COLEC11: variants seen among roughly 807,000 people sequenced by gnomAD.
The protein encoded by COLEC11 is collectin subfamily member 11, also known as collectin-11.
Under a neutral mutation model 27.3 loss-of-function variants are expected in COLEC11, and 20 were observed. The observed-to-expected ratio is 0.73, with a 90% CI of 0.51 to 1.06. The LOEUF (loss-of-function observed/expected upper bound fraction) is 1.06, where lower values mean the gene tolerates loss of function less well. Among genes scored for constraint, COLEC11 ranks in the 50% least tolerant of loss-of-function variants. The pLI is 0.00. For missense variants in COLEC11, 310 were observed against 383.0 expected, an observed-to-expected ratio of 0.81 and a Z score of 1.59; for synonymous variants, 163 against 154.7, an observed-to-expected ratio of 1.05 and a Z score of -0.40.
intron 2 of COLEC11, chr2:3,606,030 T>G: frequency 6.5e-7 from 1 of 1,533,514 alleles, no homozygotes; most frequent in Admixed American, 2.0e-5. Context: ...CAACTTAAAC[T>G]GTTGGATGCC....
intron 1 of COLEC11, chr2:3,604,105 G>C: frequency 1.6e-6 from 1 of 618,488 alleles, no homozygotes; most frequent in Non-Finnish European, 2.9e-6. Context: ...TGCACTTGGT[G>C]CCTGGTGCTG....
chr2:3,637,981 G>C (rs182560998), intron 4 of COLEC11, among the ~76,000 whole-genome samples: 112 of 152,328 alleles, frequency 7.4e-4, no homozygotes, highest in African/African-American at 2.6e-3. Flanking sequence ...CACGGCATCT[G>C]TTCCCCCAGC....
At chr2:3,620,460 T>G (rs918634851) in intron 3 of COLEC11, among the ~76,000 whole-genome samples, 1 of 152,106 alleles carries the variant, frequency 6.6e-6, no homozygotes, top group Non-Finnish European at 1.5e-5. Flanking sequence ...TAGCTAAAGG[T>G]TCGTCAATTT....
intron 3 of COLEC11, among the ~76,000 whole-genome samples, chr2:3,620,956 A>C (rs1664140373): frequency 6.6e-6 from 1 of 152,186 alleles, no homozygotes; most frequent in Non-Finnish European, 1.5e-5. Flanking sequence ...CTAACGTATG[A>C]GCTATCTCAA....
intron 1 of COLEC11, among the ~76,000 whole-genome samples, chr2:3,599,915 A>G (rs967802290): frequency 3.9e-5 from 6 of 152,238 alleles, no homozygotes; most frequent in African/African-American, 1.4e-4. Context: ...ACTGAAGACT[A>G]TGGATACTGT....
intron 3 of COLEC11, among the ~76,000 whole-genome samples, chr2:3,627,815 C>G (rs768659680): frequency 6.6e-6 from 1 of 150,834 alleles, no homozygotes; most frequent in Admixed American, 6.6e-5. Flanking sequence ...ATGCTGCACA[C>G]GATGATGCTG....
At chr2:3,629,574 GTGTGCATA>G (rs1484711141) in intron 3 of COLEC11, among the ~76,000 whole-genome samples, 3 of 152,222 alleles carry the variant, frequency 2.0e-5, no homozygotes, top group Non-Finnish European at 4.4e-5. Context: ...GTGCATGCAT[GTGTGCATA>G]TGTATATGTA....
At chr2:3,618,894 T>G (rs1225071697) in intron 3 of COLEC11, among the ~76,000 whole-genome samples, 1 of 152,246 alleles carries the variant, frequency 6.6e-6, no homozygotes, top group Non-Finnish European at 1.5e-5. Context: ...TTGGTTAAAT[T>G]TATTCCTAAA....
chr2:3,633,632 C>T (rs1036855995), intron 3 of COLEC11, among the ~76,000 whole-genome samples: 6 of 152,100 alleles, frequency 3.9e-5, no homozygotes, highest in Non-Finnish European at 5.9e-5. Context: ...CACAGCTGAC[C>T]GACGGGGGAG....
At chr2:3,603,135 G>A (rs1034421911) in intron 1 of COLEC11, among the ~76,000 whole-genome samples, 15 of 152,100 alleles carry the variant, frequency 9.9e-5, no homozygotes, top group Non-Finnish European at 1.8e-4. Context: ...CATGCTCTGC[G>A]GAGCCCCAGT....
chr2:3,602,806 C>T lies in COLEC11; in HGVS notation c.-26-1509C>T, dbSNP rs147892690. On this transcript the variant is annotated intron_variant, in intron 1 of 6. Coordinates refer to ENST00000349077, the MANE Select transcript of COLEC11 (RefSeq NM_024027.5). The surrounding 1 kb of genome is among the most constrained non-coding windows in gnomAD (Gnocchi z 6.2). ...CACTGCCTCAAGGCTTTCTCTGAGCCGCCCTCACCCACCTGTCAGCGAGGC... is the reference window on the plus strand; with the variant it reads ...CACTGCCTCAAGGCTTTCTCTGAGCTGCCCTCACCCACCTGTCAGCGAGGC... Among the ~76,000 whole-genome samples the T allele has an allele frequency of 4.6e-5, 7 of 152,286 alleles. No individual in the cohort carries two copies. Among genetic ancestry groups the T allele is most frequent in the East Asian group, 1.9e-4 (1 of 5,168 alleles).
intron 3 of COLEC11, among the ~76,000 whole-genome samples, chr2:3,622,505 G>A (rs1664256664): frequency 6.6e-6 from 1 of 152,194 alleles, no homozygotes; most frequent in South Asian, 2.1e-4. Context: ...AACTCACGTT[G>A]AAACTTGATC....
At chr2:3,597,298 G>A (rs1258681583) in intron 1 of COLEC11, among the ~76,000 whole-genome samples, 1 of 149,576 alleles carries the variant, frequency 6.7e-6, no homozygotes, top group African/African-American at 2.5e-5. Context: ...GTGAGTGAAG[G>A]CACGAGAAAT....
At chr2:3,603,825 A>G in intron 1 of COLEC11, 1 of 667,054 alleles carries the variant, frequency 1.5e-6, no homozygotes, top group Non-Finnish European at 2.6e-6. Context: ...CCTGCCACCT[A>G]AGGAGATGTG....
rs993857735 is a variant in COLEC11, at chr2:3,643,500, G to C, written c.385G>C (p.Val129Leu). 1.2e-6 allele frequency: 2 copies of C among 1,613,920 alleles called. No individual in the cohort carries two copies. Among genetic ancestry groups the C allele is most frequent in the Non-Finnish European group, 1.7e-6 (2 of 1,180,030 alleles). ...GGCCATCGGGGAGATGGACAACCAG[G>C]TCTCTCAGCTGACCAGCGAGCTCAA... is the stretch of plus-strand genomic sequence containing the variant. ...RKAIGEMDNQ[V>L]SQLTSELKFI... The change falls in exon 6 of 7, where the codon GTC (valine) becomes CTC (leucine). Residue 129 changes from valine (V) to leucine (L), a missense_variant. Coordinates refer to ENST00000349077, the MANE Select transcript of COLEC11 (RefSeq NM_024027.5).
At chr2:3,633,164 G>T (rs985849016) in intron 3 of COLEC11, among the ~76,000 whole-genome samples, 1 of 152,190 alleles carries the variant, frequency 6.6e-6, no homozygotes, top group Admixed American at 6.5e-5. Flanking sequence ...TGGAGGACGA[G>T]GCCAGGCCCC....
chr2:3,635,910 G>A (rs746147466), intron 3 of COLEC11, among the ~76,000 whole-genome samples: 6 of 152,242 alleles, frequency 3.9e-5, no homozygotes, highest in Non-Finnish European at 7.3e-5. Context: ...GCATGTGAAC[G>A]TGCTTTGTGA....
rs758335455 is a variant in COLEC11 at position 3,613,322 on chromosome 2, G to C, written c.142G>C (p.Glu48Gln). The C allele has an allele frequency of 1.2e-6, 2 of 1,610,566 alleles. No homozygotes were observed. Among genetic ancestry groups the C allele is most frequent in the South Asian group, 2.2e-5 (2 of 90,128 alleles). ...GACTTCTTCCACAGGGGATGCGGGA[G>C]AGAAGGGAGACAAAGGCGCCCCCGG... The part of the protein sequence containing the change: ...LVPGLKGDAG[E>Q]KGDKGAPGRP... The change falls in exon 3 of 7, where the codon GAG becomes CAG. Residue 48 changes from glutamate (E) to glutamine (Q), a missense_variant. Transcript: ENST00000349077.
intron 3 of COLEC11, among the ~76,000 whole-genome samples, chr2:3,620,600 C>T (rs1272583541): frequency 6.6e-6 from 1 of 151,796 alleles, no homozygotes; most frequent in East Asian, 1.9e-4. Flanking sequence ...GCTTCATTTG[C>T]TTGTTTTTTT....
Sources: gnomAD v4.1 joint callset for allele counts (sites outside exome capture counted in the v4.1 genomes callset) on GRCh38, gnomAD v4.1.1 for gene constraint, Gnocchi (gnomAD v3.1) non-coding constraint, MANE v1.5 for transcripts, NCBI Gene and HGNC (gene_info 2026-07-23, HGNC 2026-07-21) for gene names.